The following KIF15 variants were observed in gnomAD, a reference collection of about 807,000 sequenced individuals.
The protein encoded by KIF15 is kinesin-like protein KIF15.
Under a neutral mutation model 190.6 loss-of-function variants are expected in KIF15, and 140 were observed. The ratio of observed to expected loss-of-function variants is 0.73; its 90% confidence interval spans 0.64 to 0.84. The LOEUF is 0.84. Ranked by LOEUF, KIF15 falls within the 40% of genes least tolerant of loss-of-function variation. The probability of loss-of-function intolerance (pLI) is 0.00; values close to 1 mark genes in which losing one functional copy is unlikely to be tolerated. For synonymous variants in KIF15, 528 were observed against 551.3 expected (o/e 0.96, Z 0.59); for missense variants, 1,372 against 1,584.4 (o/e 0.87, Z 2.28).
intron 25 of KIF15, among the ~76,000 whole-genome samples, 197 bp downstream of exon 25, chr3:44,830,272 C>G (rs943471210): frequency 1.3e-5 from 2 of 152,274 alleles, no homozygotes; most frequent in East Asian, 3.9e-4. Context: ...GTATGTATCT[C>G]TGGGGGACAA....
downstream of KIF15, among the ~76,000 whole-genome samples, chr3:44,857,454 G>A (rs1699200608): frequency 6.6e-6 from 1 of 152,188 alleles, no homozygotes; most frequent in Non-Finnish European, 1.5e-5. Context: ...AAGGCTATGG[G>A]GCGCGGTCCT....
chr3:44,763,387 C>T (rs1009722577), intron 1 of KIF15, among the ~76,000 whole-genome samples: 2 of 152,182 alleles, frequency 1.3e-5, no homozygotes, highest in African/African-American at 2.4e-5. Context: ...CTGCAACCTC[C>T]GCCTCCCGGG....
chr3:44,841,522 C>T (rs541314611), intron 29 of KIF15, among the ~76,000 whole-genome samples: 13 of 151,938 alleles, frequency 8.6e-5, no homozygotes, highest in African/African-American at 2.4e-4. Flanking sequence ...CTCAGCCTCC[C>T]GAGTAGCTGG....
chr3:44,826,609 G>C (rs531370672), intron 22 of KIF15, 149 bp downstream of exon 22: 22 of 584,740 alleles, frequency 3.8e-5, no homozygotes, highest in Non-Finnish European at 6.3e-5. Flanking sequence ...TTGTATAAAT[G>C]GCTATGTGGA....
chr3:44,801,800 C>T lies in KIF15; in HGVS notation c.1335C>T (p.Leu445=), dbSNP rs1707288750. 1 of 1,599,986 alleles carries T rather than the reference C, an allele frequency of 6.3e-7. No individual in the cohort carries two copies. The highest frequency in any genetic ancestry group is 8.6e-7 in the Non-Finnish European group (1 of 1,168,996). The part of the protein sequence containing the change: ...LIEKVTQLED[L]TLKKEKFIQS... ...AAAAAGTTACCCAATTAGAAGACCT[C>T]ACCCTCAAAAAGGAAAAATTTATTC... Residue 445 remains leucine, a synonymous_variant, in exon 13 of 35, where the codon CTC becomes CTT. Coordinates refer to ENST00000326047, the MANE Select transcript of KIF15 (RefSeq NM_020242.3).
At chr3:44,836,360 AT>A (rs201430759) in intron 26 of KIF15, among the ~76,000 whole-genome samples, 2 of 151,992 alleles carry the variant, frequency 1.3e-5, no homozygotes, top group Admixed American at 6.6e-5. Context: ...GTCTAAAAAA[AT>A]AAATAAATAA....
At chr3:44,848,102 G>A in intron 31 of KIF15, 45 bp downstream of exon 31, 3 of 1,155,164 alleles carry the variant, frequency 2.6e-6, no homozygotes, top group Non-Finnish European at 3.8e-6. Flanking sequence ...TCTGAGCAAT[G>A]CTTTTATAGT....
intron 6 of KIF15, chr3:44,861,984 C>T: frequency 3.6e-6 from 5 of 1,383,778 alleles, no homozygotes; most frequent in African/African-American, 1.5e-5. Context: ...ACCCTGACAC[C>T]CCCGCGGAAT....
chr3:44,834,240 A>G (rs1698202206), intron 26 of KIF15, among the ~76,000 whole-genome samples: 1 of 152,190 alleles, frequency 6.6e-6, no homozygotes. Context: ...TGTTCAGTAT[A>G]TTCAAATTGT....
chr3:44,812,091 G>T lies in KIF15; in HGVS notation c.2170-91G>T, dbSNP rs531321129. The T allele has an allele frequency of 2.0e-4, 187 of 946,384 alleles. No individual in the cohort carries two copies. The African/African-American group carries it at 2.8e-3, about 14-fold the overall frequency. 58.6% of individuals were successfully genotyped at this position (946,384 alleles called of 1,614,324 possible). On this transcript the variant is annotated intron_variant, in intron 17 of 34. Coordinates refer to ENST00000326047, the MANE Select transcript of KIF15 (RefSeq NM_020242.3). Reference sequence around the variant, plus strand: ...TGAGGTTTTGAATTTGTTTTGTTTTGTTTTGTTGTCTCTTTAATGCAGACG... The same window carrying T: ...TGAGGTTTTGAATTTGTTTTGTTTTTTTTTGTTGTCTCTTTAATGCAGACG...
Position 44,804,985 on chromosome 3 carries a change from G to GAAAA in KIF15, c.1688-30_1688-27dup. 9 of 1,352,148 alleles carry GAAAA rather than the reference G, an allele frequency of 6.7e-6. No homozygotes were observed. In the East Asian group the frequency reaches 7.7e-5, roughly 12 times the overall value. The allele number at this position is 1,352,148 out of a possible 1,614,324, so 83.8% of individuals were successfully genotyped here. ...GGCAACATAGTGAGGCCCTGTCTCA[G>GAAAA]AAAAAAAAAAAAAAAGACTGAGATT... On this transcript the variant is annotated intron_variant, in intron 14 of 34. Coordinates refer to ENST00000326047, the MANE Select transcript of KIF15 (RefSeq NM_020242.3).
intron 26 of KIF15, among the ~76,000 whole-genome samples, chr3:44,833,150 A>G (rs1005558037): frequency 1.1e-4 from 17 of 152,006 alleles, no homozygotes; most frequent in Admixed American, 1.1e-3. Flanking sequence ...GGGAAGTTAA[A>G]TTTCTCCCTG....
chr3:44,838,414 A>C lies in KIF15; in HGVS notation c.3311A>C (p.Gln1104Pro), dbSNP rs1235196575. ...AAGGAAGCCCTGATTCAGGAACTTCAGCACAAGGTGAGAAACACACAGGTG... is the reference window on the plus strand; with the variant it reads ...AAGGAAGCCCTGATTCAGGAACTTCCGCACAAGGTGAGAAACACACAGGTG... Reference protein sequence around the residue: ...TKKEALIQELQHKLNQKKEEV... With the variant: ...TKKEALIQELPHKLNQKKEEV... Residue 1104 changes from glutamine to proline, a missense_variant, in exon 27 of 35, where the codon CAG becomes CCG. Transcript: ENST00000326047. 1 of 1,612,550 alleles carries C rather than the reference A, an allele frequency of 6.2e-7. No individual in the cohort carries two copies.
At chr3:44,855,577 G>A (rs1344830440), downstream of KIF15, among the ~76,000 whole-genome samples, 2 of 152,110 alleles carry the variant, frequency 1.3e-5, no homozygotes, top group African/African-American at 2.4e-5. Flanking sequence ...GAGAGATAAT[G>A]GGCAATGTTT....
Position 44,828,226 on chromosome 3 carries a change from C to T in KIF15, c.2869C>T (p.Gln957Ter), listed in dbSNP as rs749457271. ...AKCEQQMAKV[Q>*]KLEESLLATE... ...TTTTTCACCATAGATGGCAAAAGTA[C>T]AGAAACTAGAAGAGAGCTTGCTTGC... Residue 957 changes from glutamine to a stop codon, truncating the protein, a stop_gained, in exon 24 of 35, where the codon CAG becomes TAG. Coordinates refer to ENST00000326047, the MANE Select transcript of KIF15 (RefSeq NM_020242.3). LOFTEE classifies it high-confidence loss of function. 2 of 1,612,740 alleles carry T rather than the reference C, an allele frequency of 1.2e-6. No homozygotes were observed. The highest frequency in any genetic ancestry group is 1.7e-6 in the Non-Finnish European group (2 of 1,178,950).
At chr3:44,768,782 T>C (rs1275541354) in intron 1 of KIF15, among the ~76,000 whole-genome samples, 1 of 152,164 alleles carries the variant, frequency 6.6e-6, no homozygotes, top group Non-Finnish European at 1.5e-5. Context: ...GAGGCCAATC[T>C]AAAGGTTCCT....
chr3:44,834,208 T>A (rs912437169), intron 26 of KIF15, among the ~76,000 whole-genome samples: 22 of 152,232 alleles, frequency 1.4e-4, no homozygotes, highest in African/African-American at 5.3e-4. Flanking sequence ...AAAATTTAGT[T>A]TTATGGCTAT....
At chr3:44,815,980 A>AAGAG (rs1458087430) in intron 20 of KIF15, among the ~76,000 whole-genome samples, 2 of 152,208 alleles carry the variant, frequency 1.3e-5, no homozygotes, top group Admixed American at 1.3e-4. Flanking sequence ...CAGAAATTGA[A>AAGAG]AGAGAGGAAG....
At chr3:44,761,983 A>T (rs913994547) in intron 1 of KIF15, 99 bp downstream of exon 1, 3 of 1,491,088 alleles carry the variant, frequency 2.0e-6, no homozygotes, top group South Asian at 1.1e-5. Context: ...CTTGCTAGGC[A>T]TGAACTGCAG....
Sources: gnomAD v4.1 joint callset for allele counts (sites outside exome capture counted in the v4.1 genomes callset) on GRCh38, gnomAD v4.1.1 for gene constraint, MANE v1.5 for transcripts, NCBI Gene and HGNC (gene_info 2026-07-23, HGNC 2026-07-21) for gene names.